TJP1: variants seen among roughly 807,000 people sequenced by gnomAD.
TJP1 encodes the protein tight junction protein ZO-1.
Under a neutral mutation model 194.2 loss-of-function variants are expected in TJP1, and 43 were observed. The observed-to-expected ratio is 0.22, with a 90% CI of 0.17 to 0.29. TJP1 has a LOEUF of 0.29. TJP1 is among the 10% of genes least tolerant of loss of function. TJP1 has a pLI of 1.00. For synonymous variants in TJP1, 801 were observed against 779.0 expected, an observed-to-expected ratio of 1.03 and a Z score of -0.47; for missense variants, 1,971 against 2,185.7, an observed-to-expected ratio of 0.90 and a Z score of 1.96.
chr15:29,859,672 C>T (rs1044174362), intron 2 of TJP1, among the ~76,000 whole-genome samples: 3 of 152,162 alleles, frequency 2.0e-5, no homozygotes, highest in African/African-American at 7.2e-5. Flanking sequence ...AATAGGGGTC[C>T]AGCTTCCTTT....
intron 8 of TJP1, among the ~76,000 whole-genome samples, chr15:29,747,515 AAAGAG>A (rs1202979475): frequency 3.9e-5 from 6 of 152,158 alleles, no homozygotes; most frequent in East Asian, 3.8e-4. Flanking sequence ...TTATTTTTAA[AAAGAG>A]AAAAGTGAAA....
chr15:29,760,267 A>T (rs1392449351), intron 8 of TJP1: 7 of 702,298 alleles, frequency 1.0e-5, no homozygotes, highest in Non-Finnish European at 1.8e-5. Flanking sequence ...TCTGGAGAGA[A>T]GGATCATAAT....
chr15:29,948,204 G>A (rs541582383), intron 2 of TJP1, among the ~76,000 whole-genome samples: 6 of 150,354 alleles, frequency 4.0e-5, no homozygotes, highest in Non-Finnish European at 7.4e-5. Flanking sequence ...GGAGGTTGCA[G>A]TGAGGCGAGA....
At chr15:29,775,347 T>G (rs2046948958) in intron 2 of TJP1, among the ~76,000 whole-genome samples, 1 of 149,446 alleles carries the variant, frequency 6.7e-6, no homozygotes, top group African/African-American at 2.5e-5. Context: ...AAAAATATGC[T>G]GAGGTTACTA....
intron 25 of TJP1, among the ~76,000 whole-genome samples, chr15:29,708,260 C>G (rs1047577508): frequency 2.6e-5 from 4 of 151,606 alleles, no homozygotes; most frequent in Non-Finnish European, 5.9e-5. Context: ...AATTGAGGCT[C>G]ACCTCACTCT....
At chr15:29,937,160 C>T (rs1312716384) in intron 2 of TJP1, among the ~76,000 whole-genome samples, 9 of 152,148 alleles carry the variant, frequency 5.9e-5, no homozygotes, top group Admixed American at 5.9e-4. Flanking sequence ...ACATATTATA[C>T]ACAACATGAG....
intron 2 of TJP1, among the ~76,000 whole-genome samples, chr15:29,955,753 TAAAAAAAA>T (rs563535771): frequency 3.9e-3 from 141 of 35,814 alleles, no homozygotes; most frequent in South Asian, 0.037. Context: ...CCTGGCTCTT[TAAAAAAAA>T]AAAAAAAAAA....
At chr15:29,792,770 C>T (rs1311717641) in intron 2 of TJP1, among the ~76,000 whole-genome samples, 5 of 152,204 alleles carry the variant, frequency 3.3e-5, no homozygotes, top group Admixed American at 6.5e-5. Context: ...TTTTTGGTGC[C>T]GTCTTCAATA....
At chr15:29,764,436 C>G (rs962879460) in intron 5 of TJP1, among the ~76,000 whole-genome samples, 1 of 151,942 alleles carries the variant, frequency 6.6e-6, no homozygotes, top group East Asian at 1.9e-4. Flanking sequence ...AAGAAAGGGG[C>G]AAAAGAGTAA....
At chr15:29,859,828 C>A (rs886784523) in intron 2 of TJP1, among the ~76,000 whole-genome samples, 1 of 152,142 alleles carries the variant, frequency 6.6e-6, no homozygotes, top group Non-Finnish European at 1.5e-5. Flanking sequence ...TGGAAGGCAC[C>A]ATAGCATTTA....
chr15:29,918,116 T>C (rs922444010), intron 2 of TJP1, among the ~76,000 whole-genome samples: 1 of 152,216 alleles, frequency 6.6e-6, no homozygotes, highest in African/African-American at 2.4e-5. Context: ...TCACGCAGCA[T>C]AATGTCCTCA....
chr15:29,807,123 C>T (rs1425426155), intron 1 of TJP1, among the ~76,000 whole-genome samples: 5 of 152,162 alleles, frequency 3.3e-5, no homozygotes, highest in African/African-American at 7.2e-5. Flanking sequence ...TCACTGTGTC[C>T]ATCCCTTGGT....
intron 1 of TJP1, among the ~76,000 whole-genome samples, chr15:29,967,140 A>G (rs2056362024): frequency 1.3e-5 from 2 of 151,884 alleles, no homozygotes; most frequent in South Asian, 4.2e-4. Flanking sequence ...CAGCCTCCCA[A>G]GTAGCTGAGA....
intron 2 of TJP1, among the ~76,000 whole-genome samples, chr15:29,847,784 CA>C (rs1398439461): frequency 2.0e-5 from 3 of 151,196 alleles, no homozygotes; most frequent in Non-Finnish European, 4.4e-5. Context: ...GACTCTGTCT[CA>C]AAAAAATAAA....
intron 2 of TJP1, among the ~76,000 whole-genome samples, chr15:29,877,549 T>C (rs1198043464): frequency 2.0e-5 from 3 of 152,186 alleles, no homozygotes; most frequent in South Asian, 4.2e-4. Flanking sequence ...CTCTTCTCTT[T>C]TCTTTCTTTC....
chr15:29,755,043 T>G (rs1179070536), intron 8 of TJP1, among the ~76,000 whole-genome samples: 3 of 152,228 alleles, frequency 2.0e-5, no homozygotes, highest in African/African-American at 7.2e-5. Flanking sequence ...TAATCAACAA[T>G]GGACCCCACA....
intron 2 of TJP1, among the ~76,000 whole-genome samples, chr15:29,874,557 G>A (rs1322162708): frequency 6.6e-6 from 1 of 152,156 alleles, no homozygotes; most frequent in East Asian, 1.9e-4. Flanking sequence ...TCAGCAAGTT[G>A]TTGTCTATGT....
At chr15:29,753,510 G>C (rs74458958) in intron 8 of TJP1, among the ~76,000 whole-genome samples, 4 of 109,134 alleles carry the variant, frequency 3.7e-5, no homozygotes, top group African/African-American at 6.9e-5. Flanking sequence ...AAAAAAAAAA[G>C]ATTGCTCAGG....
In TJP1 at chr15:29,720,654, G is replaced by A. The variant is rs1468153049; in HGVS notation, c.2467C>T (p.Leu823=). ...LDLHDDRLSY[L]SAPGSEYSMY... ...GAGTATTCACTACCTGGAGCTGACA[G>A]GTAGGACAGACGATCATCATGCAAA... The change falls in exon 19 of 28, where the codon CTG becomes TTG. Residue 823 remains leucine (L), a synonymous_variant. Transcript: ENST00000614355. 3.1e-6 allele frequency: 5 copies of A among 1,613,286 alleles called. No homozygotes were observed. The East Asian group carries it at 6.7e-5, about 22-fold the overall frequency.
Sources: gnomAD v4.1 joint callset for allele counts (sites outside exome capture counted in the v4.1 genomes callset) on GRCh38, gnomAD v4.1.1 for gene constraint, MANE v1.5 for transcripts, NCBI Gene and HGNC (gene_info 2026-07-23, HGNC 2026-07-21) for gene names.